The following CNGB3 variants were observed in gnomAD, a reference collection of about 807,000 sequenced individuals.
CNGB3 encodes cyclic nucleotide-gated channel beta-3.
A neutral mutation model predicts 92.8 loss-of-function variants in CNGB3; 86 were observed. The ratio of observed to expected loss-of-function variants is 0.93; its 90% confidence interval spans 0.78 to 1.11. The LOEUF (loss-of-function observed/expected upper bound fraction) is 1.11. CNGB3 is among the 50% of genes least tolerant of loss of function. CNGB3 has a pLI of 0.00. For missense variants in CNGB3, 1,026 were observed against 956.8 expected, an observed-to-expected ratio of 1.07 and a Z score of -0.95; for synonymous variants, 333 against 332.7, an observed-to-expected ratio of 1.00 and a Z score of -0.01.
intron 13 of CNGB3, among the ~76,000 whole-genome samples, chr8:86,625,436 A>G (rs2131579863): frequency 6.6e-6 from 1 of 152,342 alleles, no homozygotes; most frequent in East Asian, 1.9e-4. Flanking sequence ...TATGTGATAT[A>G]ATGCACAAAA....
chr8:86,660,378 T>C, intron 6 of CNGB3: 2 of 433,998 alleles, frequency 4.6e-6, no homozygotes, highest in South Asian at 3.6e-5. Context: ...ACCGGGCAGA[T>C]GTGCAACTGA....
At chr8:86,644,580 T>A in intron 9 of CNGB3, 42 bp downstream of exon 9, 2 of 1,594,070 alleles carry the variant, frequency 1.3e-6, no homozygotes, top group South Asian at 2.2e-5. Context: ...GTTGTACCAT[T>A]GCTTTTTCCC....
At chr8:86,652,993 A>T (rs1823435740) in intron 7 of CNGB3, among the ~76,000 whole-genome samples, 1 of 152,118 alleles carries the variant, frequency 6.6e-6, no homozygotes, top group Non-Finnish European at 1.5e-5. Flanking sequence ...TTACACCAGC[A>T]TCACTGCAAA....
At chr8:86,589,759 G>T (rs566109408) in intron 15 of CNGB3, among the ~76,000 whole-genome samples, 1 of 151,734 alleles carries the variant, frequency 6.6e-6, no homozygotes, top group Non-Finnish European at 1.5e-5. Flanking sequence ...TTACTTCCAA[G>T]TATGTGGTCA....
chr8:86,580,187 G>A (rs1450103314), intron 15 of CNGB3, among the ~76,000 whole-genome samples: 1 of 56,092 alleles, frequency 1.8e-5, no homozygotes, highest in Admixed American at 2.1e-4. Flanking sequence ...CACGAGAATA[G>A]CACGGGGGGG....
intron 3 of CNGB3, among the ~76,000 whole-genome samples, chr8:86,687,798 C>A (rs1046086635): frequency 6.6e-6 from 1 of 151,928 alleles, no homozygotes; most frequent in Non-Finnish European, 1.5e-5. Context: ...GATATAAAGA[C>A]CTTGCCCCCA....
At chr8:86,591,171 G>A (rs1822026270) in intron 15 of CNGB3, among the ~76,000 whole-genome samples, 1 of 148,496 alleles carries the variant, frequency 6.7e-6, no homozygotes, top group Non-Finnish European at 1.5e-5. Context: ...TAGTTCTCGA[G>A]CCTTGGTTTT....
At chr8:86,649,815 T>C (rs1244274899) in intron 7 of CNGB3, among the ~76,000 whole-genome samples, 1 of 151,086 alleles carries the variant, frequency 6.6e-6, no homozygotes, top group Non-Finnish European at 1.5e-5. Context: ...TGATTAAAAA[T>C]GTTTCTTCAT....
At chr8:86,705,416 C>A (rs1005150204) in intron 3 of CNGB3, among the ~76,000 whole-genome samples, 9 of 152,158 alleles carry the variant, frequency 5.9e-5, no homozygotes, top group African/African-American at 1.9e-4. Flanking sequence ...GCCCCCAACC[C>A]ACCCGCAAAT....
chr8:86,582,235 A>T lies in CNGB3; in HGVS notation c.1782-2983T>A, dbSNP rs192997417. On this transcript the variant is annotated intron_variant, in intron 15 of 17. Coordinates refer to ENST00000320005, the MANE Select transcript of CNGB3 (RefSeq NM_019098.5). ...ATGGTCAAACCCCATCTCCACTAAA[A>T]ATATAAAAATTTAGCCGGGCATAGT... Among the ~76,000 whole-genome samples, 81 of 152,194 alleles carry T rather than the reference A, an allele frequency of 5.3e-4. No homozygotes were observed. The South Asian group carries it at 1.0e-2, about 19-fold the overall frequency.
At chr8:86,704,126 T>TTTCATGTTATACATGTTACATAC (rs1158931119) in intron 3 of CNGB3, 2 of 152,188 alleles carry the variant, frequency 1.3e-5, no homozygotes, top group Non-Finnish European at 2.9e-5. Flanking sequence ...TGGGTACATA[T>TTTCATGTTATACATGTTACATAC]TTCATGTTAT....
At chr8:86,580,469 G>A (rs1821742171) in intron 15 of CNGB3, among the ~76,000 whole-genome samples, 1 of 152,144 alleles carries the variant, frequency 6.6e-6, no homozygotes, top group Admixed American at 6.6e-5. Flanking sequence ...ATGATGCCCT[G>A]GTCACCTCAG....
chr8:86,632,349 TATTA>T (rs1161857487), intron 11 of CNGB3, among the ~76,000 whole-genome samples: 1 of 152,174 alleles, frequency 6.6e-6, no homozygotes, highest in Non-Finnish European at 1.5e-5. Context: ...AACAATAACT[TATTA>T]ATTATTTTAT....
intron 13 of CNGB3, among the ~76,000 whole-genome samples, chr8:86,616,550 G>A (rs758779181): frequency 6.6e-6 from 1 of 151,286 alleles, no homozygotes; most frequent in Non-Finnish European, 1.5e-5. Flanking sequence ...TTTTTCTCTC[G>A]GCAACCCAGC....
chr8:86,613,465 T>G (rs1413951657), intron 13 of CNGB3, among the ~76,000 whole-genome samples: 1 of 152,230 alleles, frequency 6.6e-6, no homozygotes, highest in Admixed American at 6.5e-5. Flanking sequence ...GATTGATTTT[T>G]GGATCTTCTC....
At position 86,632,868 on chromosome 8, in the gene CNGB3, C is replaced by A. The variant is rs139825253; in HGVS notation, c.1204G>T (p.Val402Phe). The A allele has an allele frequency of 2.2e-4, 356 of 1,612,500 alleles. No individual in the cohort carries two copies. The highest frequency in any genetic ancestry group is 2.7e-4 in the Non-Finnish European group (320 of 1,179,804). ...NEYLRCYYWAVRTLITIGGLP... is the reference protein window; with the variant it reads ...NEYLRCYYWAFRTLITIGGLP... ...CCACCAATGGTAATTAAAGTTCGAA[C>A]TGCCCAATAATAACATCTCAGATAC... Residue 402 changes from valine (V) to phenylalanine (F), a missense_variant, in exon 11 of 18, where the codon GTT becomes TTT. Coordinates refer to ENST00000320005, the MANE Select transcript of CNGB3 (RefSeq NM_019098.5).
intron 8 of CNGB3, among the ~76,000 whole-genome samples, chr8:86,647,527 A>G (rs1328426652): frequency 6.6e-6 from 1 of 151,108 alleles, no homozygotes; most frequent in Non-Finnish European, 1.5e-5. Flanking sequence ...AGCTAAATTT[A>G]GAAATACAAA....
chr8:86,694,249 A>C, intron 3 of CNGB3, among the ~76,000 whole-genome samples: 1 of 108,856 alleles, frequency 9.2e-6, no homozygotes, highest in Non-Finnish European at 1.8e-5. Context: ...TCCCTCCTGG[A>C]TGGGGCGGCT....
chr8:86,584,313 C>A (rs1821850281), intron 15 of CNGB3, among the ~76,000 whole-genome samples: 1 of 152,142 alleles, frequency 6.6e-6, no homozygotes, highest in Admixed American at 6.5e-5. Flanking sequence ...ACAGGGTAAT[C>A]CTGTAGTTAT....
Sources: gnomAD v4.1 joint callset for allele counts (sites outside exome capture counted in the v4.1 genomes callset) on GRCh38, gnomAD v4.1.1 for gene constraint, MANE v1.5 for transcripts, NCBI Gene and HGNC (gene_info 2026-07-23, HGNC 2026-07-21) for gene names.